Variants in MPC1 observed in about 807,000 individuals in gnomAD.
The protein encoded by MPC1 is mitochondrial pyruvate carrier 1.
In MPC1, 6 loss-of-function variants were observed where a neutral mutation model predicts 13.9. The ratio of observed to expected loss-of-function variants is 0.43; its 90% CI spans 0.24 to 0.85. MPC1 has a LOEUF of 0.85. MPC1 is among the 40% of genes least tolerant of loss of function. The pLI, the probability that MPC1 is intolerant of heterozygous loss-of-function variation, is 0.24. For missense variants in MPC1, 115 were observed against 143.3 expected (o/e 0.80, Z 1.01); for synonymous variants, 47 against 50.5 (o/e 0.93, Z 0.29).
At chr6:166,380,660 C>T (rs893089660) in intron 1 of MPC1, among the ~76,000 whole-genome samples, 4 of 152,016 alleles carry the variant, frequency 2.6e-5, no homozygotes, top group African/African-American at 7.3e-5. Flanking sequence ...CTGTTAGGGC[C>T]GGGCATGGTG....
chr6:166,371,223 C>T (rs1779369148), intron 1 of MPC1, among the ~76,000 whole-genome samples: 1 of 152,170 alleles, frequency 6.6e-6, no homozygotes, highest in Non-Finnish European at 1.5e-5. Context: ...GAATGTGAAC[C>T]CCTGGAGGGA....
chr6:166,367,035 A>G (rs1779185272), intron 2 of MPC1, 144 bp from the exon 3 acceptor site: 1 of 1,513,232 alleles, frequency 6.6e-7, no homozygotes, highest in African/African-American at 1.4e-5. Flanking sequence ...TACTGGGTTA[A>G]TTGATGGTTA....
intron 1 of MPC1, among the ~76,000 whole-genome samples, chr6:166,379,839 C>G (rs987950526): frequency 6.6e-6 from 1 of 152,152 alleles, no homozygotes; most frequent in Non-Finnish European, 1.5e-5. Flanking sequence ...AAAGAAAAGC[C>G]GGGCTGTAAG....
intron 1 of MPC1, among the ~76,000 whole-genome samples, chr6:166,371,751 TATAC>T (rs1386213933): frequency 1.2e-4 from 18 of 152,192 alleles, no homozygotes; most frequent in Admixed American, 1.2e-3. Context: ...GTTTTTCTCC[TATAC>T]ATACATACCT....
intron 1 of MPC1, among the ~76,000 whole-genome samples, chr6:166,380,167 A>G (rs1307554103): frequency 6.6e-6 from 1 of 152,264 alleles, no homozygotes; most frequent in African/African-American, 2.4e-5. Flanking sequence ...AAACTTTAAA[A>G]AATGTTTTCG....
rs982437587 is a variant in MPC1, at chr6:166,365,119, T to C, written c.*310A>G. On this transcript the variant is annotated 3_prime_UTR_variant, in exon 5 of 5. Transcript: ENST00000360961. The surrounding 1 kb of genome is among the most constrained non-coding windows in gnomAD (Gnocchi z 4.2). ...GTGCTAGTGGTTACAAATTTTGTTC[T>C]CTTCAGTTTTTCATTAAGTAAATTC... 1 of 232,852 alleles carries C rather than the reference T, an allele frequency of 4.3e-6. No individual in the cohort carries two copies. Among genetic ancestry groups the C allele is most frequent in the Non-Finnish European group, 8.2e-6 (1 of 121,768 alleles). The allele number at this position is 232,852 out of a possible 1,614,324, so 14.4% of individuals were successfully genotyped here.
At chr6:166,372,197 G>A (rs950053640) in intron 1 of MPC1, among the ~76,000 whole-genome samples, 1 of 152,046 alleles carries the variant, frequency 6.6e-6, no homozygotes, top group South Asian at 2.1e-4. Context: ...CTGAACACTG[G>A]CCCTTTAGGT....
Position 166,365,297 on chromosome 6 carries a change from A to C in MPC1, c.*132T>G, listed in dbSNP as rs866004713. On this transcript the variant is annotated 3_prime_UTR_variant, in exon 5 of 5. Transcript: ENST00000360961. This position sits in a 1 kb window ranked among gnomAD's most constrained non-coding sequence, Gnocchi z 4.2. Reference sequence around the variant, plus strand: ...GGTTTAGAAACTCTCAGCTATTTCTATAAAAATAGAATGGTTAGTAAAAAT... The same window carrying C: ...GGTTTAGAAACTCTCAGCTATTTCTCTAAAAATAGAATGGTTAGTAAAAAT... 1.4e-6 allele frequency: 1 copy of C among 718,120 alleles called. No individual in the cohort carries two copies. The highest frequency in any genetic ancestry group is 2.0e-6 in the Non-Finnish European group (1 of 488,584). 44.5% of individuals were successfully genotyped at this position (718,120 alleles called of 1,614,324 possible).
chr6:166,382,026 C>T (rs1303390511), intron 1 of MPC1, among the ~76,000 whole-genome samples: 2 of 152,248 alleles, frequency 1.3e-5, no homozygotes, highest in African/African-American at 4.8e-5. Context: ...CCCAGGTCGC[C>T]GCCTCTGGCA....
chr6:166,365,822 C>A lies in MPC1; in HGVS notation c.305+152G>T. The A allele has an allele frequency of 9.5e-7, 1 of 1,049,862 alleles. No individual in the cohort carries two copies. Among genetic ancestry groups the A allele is most frequent in the Non-Finnish European group, 1.3e-6 (1 of 755,974 alleles). 65.0% of individuals were successfully genotyped at this position (1,049,862 alleles called of 1,614,324 possible). On this transcript the variant is annotated intron_variant, in intron 4 of 4. Coordinates refer to ENST00000360961, the MANE Select transcript of MPC1 (RefSeq NM_016098.4). This position sits in a 1 kb window ranked among gnomAD's most constrained non-coding sequence, Gnocchi z 4.2. ...CAGCCTGTATCCTAGTTCATGTTAA[C>A]TTTCATGGTTTAGTAAGTTGTTTCC...
chr6:166,368,465 A>C, intron 2 of MPC1, among the ~76,000 whole-genome samples: 2 of 151,768 alleles, frequency 1.3e-5, no homozygotes. Flanking sequence ...TGAGGCAGAG[A>C]ACTGCTTGAA....
In MPC1 at chr6:166,382,904, G is replaced by A. The variant is rs1168511075; in HGVS notation, c.-28C>T. ...CTGTGCCGACACCAGACCCCGAGTG[G>A]TCCCTGCCTCTGCTGCCGCTTCCCA... is the stretch of plus-strand genomic sequence containing the variant. On this transcript the variant is annotated 5_prime_UTR_variant, in exon 1 of 5. Transcript: ENST00000360961. 10 of 1,581,528 alleles carry A rather than the reference G, an allele frequency of 6.3e-6. No homozygotes were observed. Among genetic ancestry groups the A allele is most frequent in the Middle Eastern group, 1.7e-4 (1 of 5,982 alleles).
chr6:166,379,320 C>T (rs1488330217), intron 1 of MPC1, among the ~76,000 whole-genome samples: 2 of 152,056 alleles, frequency 1.3e-5, no homozygotes, highest in Admixed American at 1.3e-4. Flanking sequence ...ATAGCAAGGT[C>T]CCATCTCTAA....
chr6:166,373,594 T>G (rs2114962407), intron 1 of MPC1, among the ~76,000 whole-genome samples: 1 of 152,338 alleles, frequency 6.6e-6, no homozygotes, highest in South Asian at 2.1e-4. Context: ...AAAATCCACA[T>G]ACAGGTTTTC....
intron 2 of MPC1, 26 bp from the exon 3 acceptor site, chr6:166,366,917 G>A: frequency 6.2e-7 from 1 of 1,613,502 alleles, no homozygotes; most frequent in Non-Finnish European, 8.5e-7. Context: ...GGAAAAGAAT[G>A]AAGAGAGGAA....
At chr6:166,377,530 T>TA (rs1343677693) in intron 1 of MPC1, among the ~76,000 whole-genome samples, 1 of 152,240 alleles carries the variant, frequency 6.6e-6, no homozygotes, top group Admixed American at 6.5e-5. Context: ...ATTTATAACT[T>TA]ACTTATGTAG....
At chr6:166,368,035 C>CA (rs954775600) in intron 2 of MPC1, among the ~76,000 whole-genome samples, 7 of 152,176 alleles carry the variant, frequency 4.6e-5, no homozygotes, top group African/African-American at 1.7e-4. Context: ...TAGCCATCAC[C>CA]ATAAGTATTT....
intron 1 of MPC1, among the ~76,000 whole-genome samples, chr6:166,372,317 C>T (rs1252427464): frequency 1.3e-5 from 2 of 152,188 alleles, no homozygotes; most frequent in Non-Finnish European, 2.9e-5. Context: ...TCCTTTAGGA[C>T]TCTCTCCTTA....
Position 166,365,227 on chromosome 6 carries a change from T to C in MPC1, c.*202A>G. The C allele has an allele frequency of 4.8e-6, 2 of 418,394 alleles. No homozygotes were observed. The highest frequency in any genetic ancestry group is 4.2e-6 in the Non-Finnish European group (1 of 239,994). 25.9% of individuals were successfully genotyped at this position (418,394 alleles called of 1,614,324 possible). A position where few individuals can be genotyped will look rare whatever the true frequency, so the allele number is the denominator to read the frequency against. ...ATTGCATATTTTGAGCTACTCTTTA[T>C]GGAAAGAAGTAAAATATTTAATACT... On this transcript the variant is annotated 3_prime_UTR_variant, in exon 5 of 5. Transcript: ENST00000360961. This position sits in a 1 kb window ranked among gnomAD's most constrained non-coding sequence, Gnocchi z 4.2.
Sources: allele counts gnomAD v4.1 joint callset (sites outside exome capture counted in the v4.1 genomes callset), GRCh38; gene constraint gnomAD v4.1.1; non-coding constraint Gnocchi (gnomAD v3.1); transcripts MANE v1.5; gene names NCBI Gene and HGNC (gene_info 2026-07-23, HGNC 2026-07-21).